POGLUT2: variants seen among roughly 807,000 people sequenced by gnomAD.
POGLUT2 encodes ER protein 58.
A neutral mutation model predicts 57.6 loss-of-function variants in POGLUT2; 47 were observed. The observed-to-expected ratio is 0.82, with a 90% CI of 0.65 to 1.04. The LOEUF (loss-of-function observed/expected upper bound fraction) is 1.04. POGLUT2 is among the 50% of genes least tolerant of loss of function. POGLUT2 has a pLI of 0.00. For synonymous variants in POGLUT2, 200 were observed against 218.8 expected (o/e 0.91, Z 0.76); for missense variants, 565 against 614.8 (o/e 0.92, Z 0.86).
intron 8 of POGLUT2, among the ~76,000 whole-genome samples, chr13:102,787,275 C>T (rs1877986546): frequency 6.6e-6 from 1 of 152,148 alleles, no homozygotes; most frequent in Non-Finnish European, 1.5e-5. Flanking sequence ...TCAAACTCCT[C>T]ACCTCAGGTG....
At position 102,793,432 on chromosome 13, in the gene POGLUT2, T is replaced by C. The variant is rs888905828; in HGVS notation, c.595-14A>G. The C allele has an allele frequency of 1.3e-6, 2 of 1,526,908 alleles. No individual in the cohort carries two copies. Among genetic ancestry groups the C allele is most frequent in the Non-Finnish European group, 1.8e-6 (2 of 1,104,580 alleles). 94.6% of individuals were successfully genotyped at this position (1,526,908 alleles called of 1,614,324 possible). A position where few individuals can be genotyped will look rare whatever the true frequency, so the allele number is the denominator to read the frequency against. On this transcript the variant is annotated splice_polypyrimidine_tract_variant and intron_variant, in intron 3 of 9. Coordinates refer to ENST00000376004, the MANE Select transcript of POGLUT2 (RefSeq NM_024089.3). ...CTTGATATAAACCTAAAAGAGAATT[T>C]ACCATTTATTATGTTAGTCTAAAGA...
At chr13:102,787,236 G>T (rs1321185106) in intron 8 of POGLUT2, among the ~76,000 whole-genome samples, 2 of 151,818 alleles carry the variant, frequency 1.3e-5, no homozygotes, top group African/African-American at 2.4e-5. Flanking sequence ...TAGTAGAGAC[G>T]GGGTTTCACC....
chr13:102,788,656 T>C (rs1878047389), intron 7 of POGLUT2, among the ~76,000 whole-genome samples: 1 of 152,192 alleles, frequency 6.6e-6, no homozygotes, highest in African/African-American at 2.4e-5. Flanking sequence ...CAGCTTATTT[T>C]TGTATTTTTA....
At chr13:102,789,271 C>T in intron 6 of POGLUT2, 50 bp from the exon 7 acceptor site, 1 of 1,450,982 alleles carries the variant, frequency 6.9e-7, no homozygotes, top group East Asian at 2.3e-5. Context: ...CTCCTTTTCT[C>T]CACTCTATTC....
intron 2 of POGLUT2, among the ~76,000 whole-genome samples, chr13:102,794,581 C>T (rs1408014750): frequency 6.6e-6 from 1 of 152,158 alleles, no homozygotes. Context: ...ATGACAATAG[C>T]TTGAATCTGG....
Position 102,793,793 on chromosome 13 carries a change from A to T in POGLUT2, c.402T>A (p.His134Gln). 6.2e-7 allele frequency: 1 copy of T among 1,614,134 alleles called. No individual in the cohort carries two copies. The highest frequency in any genetic ancestry group is 8.5e-7 in the Non-Finnish European group (1 of 1,179,932). ...SPYILKGPVY[H>Q]ENCDCPLQDS... ...CTTGCAGAGGACAGTCACAGTTCTC[A>T]TGGTAAACCGGCCCTATTTACATAA... is the stretch of plus-strand genomic sequence containing the variant. The change falls in exon 3 of 10, where the codon CAT becomes CAA. Residue 134 changes from histidine to glutamine, a missense_variant. Physicochemically the swap from His to Gln is conservative, Grantham distance 24. Transcript: ENST00000376004.
rs1878070404 is a variant in POGLUT2 at position 102,789,133 on chromosome 13, T to A, written c.1172A>T (p.Asp391Val). The A allele has an allele frequency of 6.2e-7, 1 of 1,614,044 alleles. No individual in the cohort carries two copies. The highest frequency in any genetic ancestry group is 1.7e-5 in the Admixed American group (1 of 60,006). ...LVGDSVVLKQ[D>V]SIYYEHFYNE... ...GTAAAAATGTTCATAGTAGATGGAATCCTGCTTCAGCACAACACTGTCACC... is the reference window on the plus strand; with the variant it reads ...GTAAAAATGTTCATAGTAGATGGAAACCTGCTTCAGCACAACACTGTCACC... The change falls in exon 7 of 10, where the codon GAT becomes GTT. Residue 391 changes from aspartate (D) to valine (V), a missense_variant. Physicochemically the swap from Asp to Val is radical, Grantham distance 152. Transcript: ENST00000376004.
intron 6 of POGLUT2, among the ~76,000 whole-genome samples, chr13:102,790,569 G>C (rs1878126127): frequency 6.6e-6 from 1 of 152,138 alleles, no homozygotes; most frequent in Non-Finnish European, 1.5e-5. Context: ...ATGGCTCTGG[G>C]AAAAAGTATT....
At chr13:102,790,734 C>G (rs1457916702) in intron 6 of POGLUT2, among the ~76,000 whole-genome samples, 167 bp downstream of exon 6, 1 of 152,038 alleles carries the variant, frequency 6.6e-6, no homozygotes, top group Non-Finnish European at 1.5e-5. Flanking sequence ...GAGGGCAGAC[C>G]CTGGTTGCCA....
Position 102,793,325 on chromosome 13 carries a change from G to A in POGLUT2, c.672+16C>T, listed in dbSNP as rs1156756919. The A allele has an allele frequency of 2.9e-6, 4 of 1,376,480 alleles. No homozygotes were observed. The highest frequency in any genetic ancestry group is 1.2e-5 in the South Asian group (1 of 83,222). 85.3% of individuals were successfully genotyped at this position (1,376,480 alleles called of 1,614,324 possible). On this transcript the variant is annotated intron_variant, in intron 4 of 9. Coordinates refer to ENST00000376004, the MANE Select transcript of POGLUT2 (RefSeq NM_024089.3). ...CTTAAATTATCTATTACAGCTAAGAGAAAATATATACTTACCTTTCTAGTC... is the reference window on the plus strand; with the variant it reads ...CTTAAATTATCTATTACAGCTAAGAAAAAATATATACTTACCTTTCTAGTC...
chr13:102,789,178 C>T lies in POGLUT2; in HGVS notation c.1127G>A (p.Arg376His), dbSNP rs36094126. 4.5e-5 allele frequency: 73 copies of T among 1,613,946 alleles called. No individual in the cohort carries two copies. Among genetic ancestry groups the T allele is most frequent in the Non-Finnish European group, 5.4e-5 (64 of 1,179,984 alleles). The change falls in exon 7 of 10, where the codon CGC becomes CAC. Residue 376 changes from arginine to histidine, a missense_variant. Transcript: ENST00000376004. ...INIDGTVAAY[R>H]LPYLLVGDSV... ...GTCACCAACTAGCAAATATGGCAGG[C>T]GATAAGCTGCTACAGTGCCATCGAT... is the stretch of plus-strand genomic sequence containing the variant.
At chr13:102,792,048 C>T (rs1282694073) in intron 4 of POGLUT2, 1 of 1,289,302 alleles carries the variant, frequency 7.8e-7, no homozygotes, top group Admixed American at 2.3e-5. Context: ...CTCATTTTCC[C>T]ATGGATTGAC....
At chr13:102,792,182 A>C (rs1034010965) in intron 4 of POGLUT2, 2 of 878,530 alleles carry the variant, frequency 2.3e-6, no homozygotes, top group Non-Finnish European at 2.7e-6. Context: ...AATCTTGAAA[A>C]AAAGGCATTA....
Position 102,793,594 on chromosome 13 carries a change from G to A in POGLUT2, c.594+7C>T. On this transcript the variant is annotated splice_region_variant and intron_variant, in intron 3 of 9. Coordinates refer to ENST00000376004, the MANE Select transcript of POGLUT2 (RefSeq NM_024089.3). ...AAAACAAACAAGCAAAAAATCATGT[G>A]TTGTACCTTGTTATCCTTTAAGGTG... 2 of 1,608,636 alleles carry A rather than the reference G, an allele frequency of 1.2e-6. No homozygotes were observed. Among genetic ancestry groups the A allele is most frequent in the East Asian group, 2.2e-5 (1 of 44,854 alleles).
chr13:102,789,253 T>C (rs2139086449), intron 6 of POGLUT2, 32 bp from the exon 7 acceptor site: 1 of 1,546,816 alleles, frequency 6.5e-7, no homozygotes, highest in South Asian at 1.1e-5. Context: ...TAAGAACCTC[T>C]ATTAAATCTC....
At chr13:102,786,536 T>C (rs1052252764) in intron 8 of POGLUT2, among the ~76,000 whole-genome samples, 197 bp from the exon 9 acceptor site, 1 of 152,158 alleles carries the variant, frequency 6.6e-6, no homozygotes, top group African/African-American at 2.4e-5. Context: ...GAACACTGGC[T>C]GCCTATTCCT....
In POGLUT2 at chr13:102,798,561, G is replaced by T. The variant is rs753969334; in HGVS notation, c.110C>A (p.Pro37His). The change falls in exon 1 of 10, where the codon CCC becomes CAC. Residue 37 changes from proline to histidine, a missense_variant. Pro to His is a moderately conservative substitution (Grantham distance 77). Coordinates refer to ENST00000376004, the MANE Select transcript of POGLUT2 (RefSeq NM_024089.3). ...LSPEKSEIWG[P>H]GLKADVVLPA... ...AAGGACGACGTCTGCTTTTAGCCCG[G>T]GTCCCCATATTTCGCTCTTCTCCGG... The T allele has an allele frequency of 6.2e-7, 1 of 1,613,110 alleles. No homozygotes were observed. The highest frequency in any genetic ancestry group is 1.1e-5 in the South Asian group (1 of 90,954).
chr13:102,795,267 A>G (rs1236233970), intron 2 of POGLUT2, among the ~76,000 whole-genome samples: 1 of 150,996 alleles, frequency 6.6e-6, no homozygotes, highest in African/African-American at 2.4e-5. Context: ...AAAAAAAAAA[A>G]AAAAAGCAAA....
chr13:102,787,555 A>C (rs1877997307), intron 8 of POGLUT2, among the ~76,000 whole-genome samples: 1 of 152,204 alleles, frequency 6.6e-6, no homozygotes, highest in African/African-American at 2.4e-5. Context: ...AAATCCATGC[A>C]CTGTAACTTT....
Sources: gnomAD v4.1 joint callset for allele counts (sites outside exome capture counted in the v4.1 genomes callset) on GRCh38, gnomAD v4.1.1 for gene constraint, MANE v1.5 for transcripts, NCBI Gene and HGNC (gene_info 2026-07-23, HGNC 2026-07-21) for gene names.